Variants in MYO15A observed in about 807,000 individuals in gnomAD.
MYO15A encodes unconventional myosin-XV.
In MYO15A, 308 loss-of-function variants were observed where a neutral mutation model predicts 394.6. The ratio of observed to expected loss-of-function variants is 0.78; its 90% CI spans 0.71 to 0.86. The LOEUF is 0.86. MYO15A is among the 40% of genes least tolerant of loss of function. The probability of loss-of-function intolerance (pLI) is 0.00; values close to 1 mark genes in which losing one functional copy is unlikely to be tolerated. For synonymous variants in MYO15A, 1,957 were observed against 2,003.8 expected (o/e 0.98, Z 0.62); for missense variants, 4,606 against 4,799.1 (o/e 0.96, Z 1.19).
chr17:18,136,344 C>CT, intron 13 of MYO15A, 73 bp from the exon 14 acceptor site: 1 of 1,578,502 alleles, frequency 6.3e-7, no homozygotes. Flanking sequence ...ATCCCACTCC[C>CT]TTAGTCCCCT....
chr17:18,143,852 T>G lies in MYO15A; in HGVS notation c.6047-18T>G. ...AGGCAGATCAGAGCAGGCACCGCAT[T>G]CCCTCCTCTTTCCACAGGCCTCGGG... On this transcript the variant is annotated intron_variant, in intron 27 of 65. Transcript: ENST00000647165. 1 of 1,573,634 alleles carries G rather than the reference T, an allele frequency of 6.4e-7. No homozygotes were observed. Among genetic ancestry groups the G allele is most frequent in the Non-Finnish European group, 8.6e-7 (1 of 1,158,710 alleles).
intron 62 of MYO15A, among the ~76,000 whole-genome samples, 171 bp from the exon 63 acceptor site, chr17:18,171,467 C>T (rs1224010240): frequency 6.6e-6 from 1 of 152,186 alleles, no homozygotes; most frequent in African/African-American, 2.4e-5. Flanking sequence ...TTAAGCAGTA[C>T]CAAGGCACTG....
At position 18,117,490 on chromosome 17, in the gene MYO15A, A is replaced by G. The variant is rs1411100133; in HGVS notation, c.-219-1092A>G. ...CTCCTATGCTAAACCTTAAACAACCAAAGAATTAGCTCTGGGACCAAAAGA... is the reference window on the plus strand; with the variant it reads ...CTCCTATGCTAAACCTTAAACAACCGAAGAATTAGCTCTGGGACCAAAAGA... On this transcript the variant is annotated intron_variant, in intron 1 of 65. Coordinates refer to ENST00000647165, the MANE Select transcript of MYO15A (RefSeq NM_016239.4). The surrounding 1 kb of genome is among the most constrained non-coding windows in gnomAD (Gnocchi z 4.1). Among the ~76,000 whole-genome samples, 1 of 152,160 alleles carries G rather than the reference A, an allele frequency of 6.6e-6. No individual in the cohort carries two copies. The highest frequency in any genetic ancestry group is 1.5e-5 in the Non-Finnish European group (1 of 68,028).
At chr17:18,137,436 T>C in intron 15 of MYO15A, 148 bp from the exon 16 acceptor site, 1 of 710,582 alleles carries the variant, frequency 1.4e-6, no homozygotes. Flanking sequence ...TCAGATTCTG[T>C]CCTGGGTGCA....
chr17:18,170,383 G>A (rs1051003220), intron 62 of MYO15A, among the ~76,000 whole-genome samples: 6 of 150,754 alleles, frequency 4.0e-5, no homozygotes, highest in African/African-American at 1.5e-4. Context: ...TTTTGAGACA[G>A]AGTCTCTCTC....
rs1055206071 is a variant in MYO15A at position 18,119,563 on chromosome 17, G to C, written c.763G>C (p.Glu255Gln). Residue 255 changes from glutamate (E) to glutamine (Q), a missense_variant, in exon 2 of 66, where the codon GAG becomes CAG. By Grantham distance (29) the Glu-to-Gln change is conservative. Around this residue, in one of 2 missense-constraint regions of MYO15A, gnomAD observed 1,830 missense variants for 1,689.7 expected, o/e 1.08. Transcript: ENST00000647165. ...YYDRQSLHRY[E>Q]EQEPYLAGLG... The stretch of plus-strand genomic sequence containing the variant: ...CGACCGGCAGTCACTCCACCGCTAC[G>C]AGGAGCAGGAACCCTACCTGGCGGG... The C allele has an allele frequency of 6.2e-7, 1 of 1,606,944 alleles. No homozygotes were observed. The highest frequency in any genetic ancestry group is 8.5e-7 in the Non-Finnish European group (1 of 1,179,930).
chr17:18,135,742 GT>G lies in MYO15A; in HGVS notation c.4515del (p.Ser1505ArgfsTer27). On this transcript the variant is annotated frameshift_variant, in exon 13 of 66. Coordinates refer to ENST00000647165, the MANE Select transcript of MYO15A (RefSeq NM_016239.4). LOFTEE classifies it high-confidence loss of function. The part of the protein sequence containing the change: ...TDAQEVASVV[S>X]AREIQAVAEL... Reference sequence around the variant, plus strand: ...GCACAGGAGGTGGCCTCAGTGGTGAGTGCCCGAGAGATCCAGGCCGTGGCAG... The same window carrying G: ...GCACAGGAGGTGGCCTCAGTGGTGAGGCCCGAGAGATCCAGGCCGTGGCAG... 6.2e-7 allele frequency: 1 copy of G among 1,614,206 alleles called. No individual in the cohort carries two copies. The highest frequency in any genetic ancestry group is 1.1e-5 in the South Asian group (1 of 91,086).
At position 18,131,572 on chromosome 17, in the gene MYO15A, G is replaced by A. The variant is rs774735026; in HGVS notation, c.4206+41G>A. On this transcript the variant is annotated intron_variant, in intron 10 of 65. Coordinates refer to ENST00000647165, the MANE Select transcript of MYO15A (RefSeq NM_016239.4). ...CCAGGCCTCTGTGTTGGGCAGGGTC[G>A]GGGTGGGAGGTACAGATACTCAGAG... The A allele has an allele frequency of 4.3e-6, 7 of 1,610,508 alleles. No homozygotes were observed. The Admixed American group carries it at 6.7e-5, about 15-fold the overall frequency.
rs2045828096 is a variant in MYO15A, at chr17:18,118,631, C to T, written c.-170C>T. ...GAGATGAATTATGGATCCGCCCTCC[C>T]GGAATCCTGGCTCGGCCCTCCCCAC... On this transcript the variant is annotated 5_prime_UTR_variant, in exon 2 of 66. Coordinates refer to ENST00000647165, the MANE Select transcript of MYO15A (RefSeq NM_016239.4). The T allele has an allele frequency of 5.3e-6, 5 of 946,982 alleles. No individual in the cohort carries two copies. The highest frequency in any genetic ancestry group is 6.2e-6 in the Non-Finnish European group (4 of 643,110). The allele number at this position is 946,982 out of a possible 1,614,324, so 58.7% of individuals were successfully genotyped here.
At chr17:18,176,464 A>G (rs373206236) in intron 65 of MYO15A, 6 of 151,726 alleles carry the variant, frequency 4.0e-5, no homozygotes, top group African/African-American at 1.5e-4. Flanking sequence ...ATTTGCCTCC[A>G]TGACCCAACA....
chr17:18,139,949 C>T (rs149315451), intron 19 of MYO15A, among the ~76,000 whole-genome samples: 147 of 152,328 alleles, frequency 9.7e-4, no homozygotes, highest in African/African-American at 3.4e-3. Context: ...TTCCCTGGCC[C>T]ATTCTTTCCT....
At chr17:18,166,638 T>G in intron 61 of MYO15A, 117 bp downstream of exon 61, 3 of 1,386,238 alleles carry the variant, frequency 2.2e-6, no homozygotes, top group Non-Finnish European at 3.0e-6. Flanking sequence ...TGTGGATGTC[T>G]CTAGCCCTGA....
intron 7 of MYO15A, among the ~76,000 whole-genome samples, chr17:18,129,967 C>T (rs1324029521): frequency 6.6e-6 from 1 of 152,152 alleles, no homozygotes; most frequent in East Asian, 1.9e-4. Flanking sequence ...GCAATGTCTG[C>T]CTCCCAGGTT....
At chr17:18,113,672 G>A (rs1002544146) in intron 1 of MYO15A, among the ~76,000 whole-genome samples, 1 of 151,826 alleles carries the variant, frequency 6.6e-6, no homozygotes, top group African/African-American at 2.4e-5. Context: ...GGCCTAGGAG[G>A]TGGAGGTTGC....
In MYO15A at chr17:18,151,280, T is replaced by C; in HGVS notation, c.7644T>C (p.Ser2548=). The change falls in exon 39 of 66, where the codon TCT becomes TCC. Residue 2548 remains serine (S), a synonymous_variant. Coordinates refer to ENST00000647165, the MANE Select transcript of MYO15A (RefSeq NM_016239.4). The part of the protein sequence containing the change: ...AAPVLAQDQA[S]PETTSPSPEL... ...CTGTTCTAGCTCAGGATCAGGCTTC[T>C]CCAGAAACCAGTGAGTGCCCTATCC... 2.5e-6 allele frequency: 4 copies of C among 1,614,148 alleles called. No homozygotes were observed. In the African/African-American group the frequency reaches 5.3e-5, roughly 22 times the overall value.
rs1245396455 is a variant in MYO15A, at chr17:18,149,377, G to GTC, written c.7117+2_7117+3dup. ...CAAAGAGGGACAGCAACCCACCAAGGTCAACCAACAATGGCTGCTGTCTCT... is the reference window on the plus strand; with the variant it reads ...CAAAGAGGGACAGCAACCCACCAAGGTCTCAACCAACAATGGCTGCTGTCTCT... On this transcript the variant is annotated splice_donor_variant, in intron 34 of 65. Coordinates refer to ENST00000647165, the MANE Select transcript of MYO15A (RefSeq NM_016239.4). LOFTEE classifies it high-confidence loss of function. 1 of 1,606,668 alleles carries GTC rather than the reference G, an allele frequency of 6.2e-7. No individual in the cohort carries two copies. Among genetic ancestry groups the GTC allele is most frequent in the Non-Finnish European group, 8.5e-7 (1 of 1,176,224 alleles).
At chr17:18,146,486 G>A (rs2046483394) in intron 30 of MYO15A, among the ~76,000 whole-genome samples, 3 of 152,242 alleles carry the variant, frequency 2.0e-5, no homozygotes, top group African/African-American at 7.2e-5. Context: ...TATATGAGCT[G>A]TGTGACCTTG....
rs10583154 is a variant in MYO15A, at chr17:18,114,241, C to CTTTTTTTTTTT, written c.-219-4325_-219-4315dup. The stretch of plus-strand genomic sequence containing the variant: ...CACCTTGTGACCACCACAGTCCTGT[C>CTTTTTTTTTTT]TTTTTTTTTTTTTTTTTTTTTTTTT... On this transcript the variant is annotated intron_variant, in intron 1 of 65. Coordinates refer to ENST00000647165, the MANE Select transcript of MYO15A (RefSeq NM_016239.4). Among the ~76,000 whole-genome samples the CTTTTTTTTTTT allele has an allele frequency of 4.7e-4, 26 of 55,598 alleles. 6 individuals carry two copies. The highest frequency in any genetic ancestry group is 7.7e-4 in the Non-Finnish European group (24 of 31,160). 36.5% of individuals were successfully genotyped at this position (55,598 alleles called of 152,430 possible).
At chr17:18,159,724 G>A (rs1275676437) in intron 55 of MYO15A, 45 bp downstream of exon 55, 1 of 1,601,704 alleles carries the variant, frequency 6.2e-7, no homozygotes, top group Non-Finnish European at 8.6e-7. Flanking sequence ...CCTGCTCTGT[G>A]GTTCAGTTTC....
Sources: allele counts gnomAD v4.1 joint callset (sites outside exome capture counted in the v4.1 genomes callset), GRCh38; gene constraint gnomAD v4.1.1; regional missense constraint gnomAD v4.1.1; non-coding constraint Gnocchi (gnomAD v3.1); transcripts MANE v1.5; gene names NCBI Gene and HGNC (gene_info 2026-07-23, HGNC 2026-07-21).